RFX3: variants seen among roughly 807,000 people sequenced by gnomAD.
RFX3 encodes the protein regulatory factor X3, also known as transcription factor RFX3.
RFX3 carries 14 observed loss-of-function variants against 98.6 expected under a neutral mutation model. The observed-to-expected ratio is 0.14, with a 90% CI of 0.09 to 0.22. The LOEUF (loss-of-function observed/expected upper bound fraction) is 0.22. Ranked by LOEUF, RFX3 falls within the 10% of genes least tolerant of loss-of-function variation. The pLI, the probability that RFX3 is intolerant of heterozygous loss-of-function variation, is 1.00. For synonymous variants in RFX3, 383 were observed against 328.4 expected, an observed-to-expected ratio of 1.17 and a Z score of -1.80; for missense variants, 639 against 926.9, an observed-to-expected ratio of 0.69 and a Z score of 4.03.
intron 1 of RFX3, among the ~76,000 whole-genome samples, chr9:3,456,863 C>A (rs931754270): frequency 2.0e-4 from 31 of 152,048 alleles, no homozygotes; most frequent in African/African-American, 7.5e-4. Context: ...AGAATTGTCC[C>A]AAGGGCCAGG....
intron 1 of RFX3, among the ~76,000 whole-genome samples, chr9:3,437,713 C>G (rs1362119526): frequency 6.6e-6 from 1 of 151,984 alleles, no homozygotes; most frequent in East Asian, 1.9e-4. Flanking sequence ...GTTTCAAAAC[C>G]TCATTAAGTA....
intron 1 of RFX3, among the ~76,000 whole-genome samples, chr9:3,477,333 T>A (rs1849359706): frequency 6.6e-6 from 1 of 152,214 alleles, no homozygotes; most frequent in Non-Finnish European, 1.5e-5. Flanking sequence ...TTAAGTGTCC[T>A]TTCATTTCAA....
intron 9 of RFX3, among the ~76,000 whole-genome samples, chr9:3,273,757 G>A (rs1051215341): frequency 6.6e-6 from 1 of 151,446 alleles, no homozygotes; most frequent in African/African-American, 2.4e-5. Context: ...TCCAGCTACT[G>A]GGGAGGCTGA....
At chr9:3,480,740 G>C (rs145572023) in intron 1 of RFX3, among the ~76,000 whole-genome samples, 2 of 152,130 alleles carry the variant, frequency 1.3e-5, no homozygotes, top group African/African-American at 4.8e-5. Flanking sequence ...CCTTAGACAA[G>C]TCAATTAATC....
intron 1 of RFX3, among the ~76,000 whole-genome samples, chr9:3,456,053 C>T (rs1259526801): frequency 2.6e-5 from 4 of 152,218 alleles, no homozygotes; most frequent in Admixed American, 2.0e-4. Context: ...ACTGTGTCCT[C>T]ACATGGCAGA....
At chr9:3,511,124 A>G (rs1817625759) in intron 1 of RFX3, among the ~76,000 whole-genome samples, 1 of 152,038 alleles carries the variant, frequency 6.6e-6, no homozygotes, top group Non-Finnish European at 1.5e-5. Flanking sequence ...TTTGGCAATT[A>G]AAGTTATTAT....
intron 2 of RFX3, among the ~76,000 whole-genome samples, chr9:3,382,792 G>C (rs1468194187): frequency 6.6e-6 from 1 of 152,058 alleles, no homozygotes; most frequent in Non-Finnish European, 1.5e-5. Context: ...GAAATGTAGA[G>C]AAAATTAGGC....
chr9:3,514,506 G>A (rs1366898303), intron 1 of RFX3, among the ~76,000 whole-genome samples: 1 of 152,060 alleles, frequency 6.6e-6, no homozygotes, highest in Non-Finnish European at 1.5e-5. Context: ...CTGTTGCCCA[G>A]GCTCCGGGTT....
intron 1 of RFX3, among the ~76,000 whole-genome samples, chr9:3,521,461 G>A (rs1818703818): frequency 1.3e-5 from 2 of 152,036 alleles, no homozygotes; most frequent in Admixed American, 6.5e-5. Flanking sequence ...AAGTTCTAGT[G>A]AGTTCACATT....
intron 1 of RFX3, among the ~76,000 whole-genome samples, chr9:3,490,777 A>T (rs1850664509): frequency 6.6e-6 from 1 of 152,170 alleles, no homozygotes; most frequent in Admixed American, 6.5e-5. Context: ...AGCAGCTGAC[A>T]TGCATTTGCT....
intron 7 of RFX3, among the ~76,000 whole-genome samples, chr9:3,280,406 G>C (rs890037914): frequency 6.6e-6 from 1 of 151,696 alleles, no homozygotes; most frequent in African/African-American, 2.4e-5. Flanking sequence ...ACAATGTATT[G>C]TCTGGCAATG....
chr9:3,524,920 C>T (rs747739423), intron 1 of RFX3, among the ~76,000 whole-genome samples: 2 of 150,498 alleles, frequency 1.3e-5, no homozygotes, highest in Non-Finnish European at 3.0e-5. Context: ...AGAAAAACAT[C>T]TTTCCCAGTA....
rs1431930222 is a variant in RFX3 at position 3,219,822 on chromosome 9, C to T, written c.*5220G>A. ...ACTTCCTAAACTGCCTAAAAAGCAA[C>T]GTTTACGGCATACTTGCACTATGCT... On this transcript the variant is annotated 3_prime_UTR_variant, in exon 17 of 17. Transcript: ENST00000617270. 2 of 152,148 alleles carry T rather than the reference C, an allele frequency of 1.3e-5. No homozygotes were observed. The highest frequency in any genetic ancestry group is 4.8e-5 in the African/African-American group (2 of 41,440). The allele number at this position is 152,148 out of a possible 1,614,324, so 9.4% of individuals were successfully genotyped here.
intron 1 of RFX3, among the ~76,000 whole-genome samples, chr9:3,409,001 T>C (rs748433504): frequency 2.0e-5 from 3 of 152,232 alleles, no homozygotes; most frequent in Non-Finnish European, 4.4e-5. Flanking sequence ...TTGTACTGAA[T>C]AAAATAGTTT....
At chr9:3,405,329 TATGTG>T (rs1039862896) in intron 1 of RFX3, among the ~76,000 whole-genome samples, 12 of 152,310 alleles carry the variant, frequency 7.9e-5, no homozygotes, top group Middle Eastern at 3.4e-3. Context: ...CTATTATCCA[TATGTG>T]AATAATTCCC....
chr9:3,350,814 G>A (rs533377406), intron 2 of RFX3, among the ~76,000 whole-genome samples: 21 of 152,154 alleles, frequency 1.4e-4, no homozygotes, highest in South Asian at 1.0e-3. Context: ...ACTTGAATGC[G>A]TATGACCAAG....
chr9:3,315,520 G>C (rs1185666472), intron 4 of RFX3, among the ~76,000 whole-genome samples: 2 of 152,008 alleles, frequency 1.3e-5, no homozygotes, highest in Non-Finnish European at 2.9e-5. Context: ...AAATAACTAA[G>C]ATCAGAGCAG....
In RFX3 at chr9:3,395,569, C is replaced by T. The variant is rs769425702; in HGVS notation, c.20G>A (p.Gly7Glu). The T allele has an allele frequency of 1.2e-6, 2 of 1,614,018 alleles. No homozygotes were observed. The highest frequency in any genetic ancestry group is 1.3e-5 in the African/African-American group (1 of 75,010). ...GGTCACTGTCGAGCCTGTGTCCGAC[C>T]CAGTCTCTGATGTCTGCATGATGGT... Reference protein sequence around the residue: MQTSETGSDTGSTVTLQ... With the variant: MQTSETESDTGSTVTLQ... The change falls in exon 2 of 17, where the codon GGG becomes GAG. Residue 7 changes from glycine (G) to glutamate (E), a missense_variant. Transcript: ENST00000617270.
intron 1 of RFX3, among the ~76,000 whole-genome samples, chr9:3,463,361 A>G (rs1334697484): frequency 6.6e-6 from 1 of 152,194 alleles, no homozygotes; most frequent in African/African-American, 2.4e-5. Flanking sequence ...TACAATAATT[A>G]ACTCAAAGGG....
Sources: allele counts gnomAD v4.1 joint callset (sites outside exome capture counted in the v4.1 genomes callset), GRCh38; gene constraint gnomAD v4.1.1; transcripts MANE v1.5; gene names NCBI Gene and HGNC (gene_info 2026-07-23, HGNC 2026-07-21).